The following CDH2 variants were observed in gnomAD, a reference collection of about 807,000 sequenced individuals.
CDH2 encodes cadherin 2, also known as cadherin-2.
In CDH2, 17 loss-of-function variants were observed where a neutral mutation model predicts 92.0. The ratio of observed to expected loss-of-function variants is 0.18; its 90% confidence interval spans 0.13 to 0.28. CDH2 has a LOEUF of 0.28. Ranked by LOEUF, CDH2 falls within the 10% of genes least tolerant of loss-of-function variation. The pLI is 1.00. For synonymous variants in CDH2, 419 were observed against 415.9 expected (o/e 1.01, Z -0.09); for missense variants, 862 against 1,133.1 (o/e 0.76, Z 3.44).
intron 14 of CDH2, among the ~76,000 whole-genome samples, chr18:27,969,832 A>G (rs2011613502): frequency 6.6e-6 from 1 of 152,120 alleles, no homozygotes; most frequent in South Asian, 2.1e-4. Context: ...GCTGGCCAAC[A>G]TGGTGCAACC....
chr18:27,955,155 C>A (rs1480221205), intron 15 of CDH2, among the ~76,000 whole-genome samples: 1 of 151,916 alleles, frequency 6.6e-6, no homozygotes, highest in Admixed American at 6.6e-5. Context: ...AATTATTAAG[C>A]GAAAATACAC....
At chr18:28,133,022 T>C (rs2144297767) in intron 2 of CDH2, among the ~76,000 whole-genome samples, 1 of 152,298 alleles carries the variant, frequency 6.6e-6, no homozygotes, top group African/African-American at 2.4e-5. Context: ...TCTCCTTATC[T>C]ATATCTCTTC....
chr18:28,018,545 T>C (rs1159765737), intron 2 of CDH2, among the ~76,000 whole-genome samples: 1 of 152,010 alleles, frequency 6.6e-6, no homozygotes, highest in East Asian at 1.9e-4. Context: ...AATAGGCATA[T>C]AGACCAATGG....
intron 2 of CDH2, among the ~76,000 whole-genome samples, chr18:28,099,318 C>G (rs1435593132): frequency 1.3e-5 from 2 of 152,104 alleles, no homozygotes; most frequent in Non-Finnish European, 2.9e-5. Flanking sequence ...TTGGCAGTAT[C>G]TAATTTTAAG....
At chr18:27,961,475 G>A (rs868338948) in intron 15 of CDH2, among the ~76,000 whole-genome samples, 1 of 152,044 alleles carries the variant, frequency 6.6e-6, no homozygotes, top group African/African-American at 2.4e-5. Context: ...AAGGCGAAGT[G>A]GCAGTCCTGC....
At chr18:27,961,956 TAAAAA>T (rs902414812) in intron 15 of CDH2, among the ~76,000 whole-genome samples, 1 of 151,066 alleles carries the variant, frequency 6.6e-6, no homozygotes, top group African/African-American at 2.4e-5. Flanking sequence ...CAAAAAAAAT[TAAAAA>T]AAAATTGTAA....
intron 1 of CDH2, among the ~76,000 whole-genome samples, chr18:28,161,850 G>A (rs187731209): frequency 1.3e-5 from 2 of 152,202 alleles, no homozygotes; most frequent in Non-Finnish European, 2.9e-5. Context: ...TAGATAAAAC[G>A]AGTGGGCATA....
At chr18:27,936,795 AAG>A (rs1425108136) in intron 6 of CDH2, among the ~76,000 whole-genome samples, 1 of 151,604 alleles carries the variant, frequency 6.6e-6, no homozygotes, top group Admixed American at 6.6e-5. Context: ...TTGGCTCCCA[AAG>A]TGCTGGGATT....
intron 2 of CDH2, among the ~76,000 whole-genome samples, chr18:28,129,621 A>G (rs929484548): frequency 1.3e-5 from 2 of 152,162 alleles, no homozygotes; most frequent in African/African-American, 4.8e-5. Flanking sequence ...CCAGGCCAGG[A>G]GTTTGAGAAC....
intron 6 of CDH2, among the ~76,000 whole-genome samples, chr18:27,945,237 GA>G (rs934791830): frequency 2.1e-5 from 3 of 144,104 alleles, no homozygotes; most frequent in East Asian, 2.2e-4. Flanking sequence ...TTTGCTGCAT[GA>G]AAAAAAAGAG....
chr18:28,176,186 C>T (rs1214009645), intron 1 of CDH2, among the ~76,000 whole-genome samples: 3 of 152,154 alleles, frequency 2.0e-5, no homozygotes, highest in African/African-American at 7.2e-5. Context: ...AGGCTCCAGG[C>T]AAAGGCGCCC....
At chr18:28,094,230 T>C (rs2015085501) in intron 2 of CDH2, among the ~76,000 whole-genome samples, 1 of 152,122 alleles carries the variant, frequency 6.6e-6, no homozygotes, top group Non-Finnish European at 1.5e-5. Context: ...CTCACACCTG[T>C]AATCTCAAAA....
chr18:28,164,651 A>AAC (rs1007017882), intron 1 of CDH2, among the ~76,000 whole-genome samples: 6 of 132,366 alleles, frequency 4.5e-5, no homozygotes, highest in Admixed American at 2.1e-4. Flanking sequence ...CTAGTCTCAA[A>AAC]ACACACACAC....
At chr18:27,990,898 A>G (rs1304159696) in intron 9 of CDH2, among the ~76,000 whole-genome samples, 1 of 152,240 alleles carries the variant, frequency 6.6e-6, no homozygotes, top group African/African-American at 2.4e-5. Flanking sequence ...ACATGTATAC[A>G]TAATCGCACA....
In CDH2 at chr18:27,952,376, C is replaced by CA; in HGVS notation, c.2515-18dup. The CA allele has an allele frequency of 6.2e-7, 1 of 1,603,290 alleles. No individual in the cohort carries two copies. The highest frequency in any genetic ancestry group is 8.5e-7 in the Non-Finnish European group (1 of 1,170,600). ...TTTAAGGCCCTGCAATTTGGAAACA[C>CA]AAAGAATGAAAGAATTAAGAGAGGG... On this transcript the variant is annotated splice_polypyrimidine_tract_variant and intron_variant, in intron 15 of 15. Transcript: ENST00000269141.
rs1173646234 is a variant in CDH2 at position 27,951,155 on chromosome 18, C to A, written c.*998G>T. ...CCAGTGTCAGGCCACCCCTTTCTTT[C>A]CTTTCCTTTTTTTTTTTTTTTGGTA... On this transcript the variant is annotated 3_prime_UTR_variant, in exon 16 of 16. Transcript: ENST00000269141. 1 of 78,722 alleles carries A rather than the reference C, an allele frequency of 1.3e-5. No individual in the cohort carries two copies. Among genetic ancestry groups the A allele is most frequent in the African/African-American group, 3.9e-5 (1 of 25,320 alleles). The allele number at this position is 78,722 out of a possible 1,614,324, so 4.9% of individuals were successfully genotyped here.
At chr18:28,075,681 C>T (rs1157312491) in intron 2 of CDH2, among the ~76,000 whole-genome samples, 1 of 152,146 alleles carries the variant, frequency 6.6e-6, no homozygotes, top group Non-Finnish European at 1.5e-5. Flanking sequence ...CTAGCAGCTG[C>T]AGGACATTTG....
intron 14 of CDH2, among the ~76,000 whole-genome samples, chr18:27,965,355 AG>A (rs1350378285): frequency 1.3e-5 from 2 of 152,244 alleles, no homozygotes; most frequent in African/African-American, 4.8e-5. Flanking sequence ...GCGGAAAGCG[AG>A]GTAGGTATAG....
At chr18:28,007,104 G>T (rs2012947276) in intron 5 of CDH2, among the ~76,000 whole-genome samples, 2 of 147,888 alleles carry the variant, frequency 1.4e-5, no homozygotes, top group Non-Finnish European at 3.0e-5. Flanking sequence ...CAGCTGCGGT[G>T]AGCTGAGATC....
Sources: allele counts gnomAD v4.1 joint callset (sites outside exome capture counted in the v4.1 genomes callset), GRCh38; gene constraint gnomAD v4.1.1; transcripts MANE v1.5; gene names NCBI Gene and HGNC (gene_info 2026-07-23, HGNC 2026-07-21).